The following LHPP variants were observed in gnomAD, a reference collection of about 807,000 sequenced individuals.
LHPP encodes the protein hLHPP.
A neutral mutation model predicts 30.3 loss-of-function variants in LHPP; 24 were observed. The ratio of observed to expected loss-of-function variants is 0.79; its 90% CI spans 0.57 to 1.11. The LOEUF (loss-of-function observed/expected upper bound fraction) is 1.11, where lower values mean the gene tolerates loss of function less well. LHPP is among the 50% of genes most tolerant of loss of function. The probability of loss-of-function intolerance (pLI) is 0.00; values close to 1 mark genes in which losing one functional copy is unlikely to be tolerated. For synonymous variants in LHPP, 150 were observed against 157.1 expected (o/e 0.95, Z 0.34); for missense variants, 356 against 367.2 (o/e 0.97, Z 0.25).
At chr10:124,486,754 C>A (rs1209050571) in intron 2 of LHPP, among the ~76,000 whole-genome samples, 1 of 152,210 alleles carries the variant, frequency 6.6e-6, no homozygotes, top group African/African-American at 2.4e-5. Context: ...ACAGCTGGGC[C>A]AGGGCCGCAG....
chr10:124,568,616 T>C (rs1948533184), intron 6 of LHPP, among the ~76,000 whole-genome samples: 2 of 152,230 alleles, frequency 1.3e-5, no homozygotes, highest in Admixed American at 6.5e-5. Flanking sequence ...CTTACCGTGC[T>C]GGACCATGGA....
intron 6 of LHPP, among the ~76,000 whole-genome samples, chr10:124,564,667 C>T (rs1262325831): frequency 6.6e-6 from 1 of 152,202 alleles, no homozygotes; most frequent in African/African-American, 2.4e-5. Context: ...CCTGGTTCCC[C>T]AGTGAGAGAC....
At chr10:124,550,493 G>GT in intron 6 of LHPP, among the ~76,000 whole-genome samples, 1 of 152,300 alleles carries the variant, frequency 6.6e-6, no homozygotes, top group East Asian at 1.9e-4. Context: ...TTCTGAAAAC[G>GT]TGTGGGTGGG....
intron 6 of LHPP, among the ~76,000 whole-genome samples, chr10:124,518,280 G>C (rs979180134): frequency 1.3e-5 from 2 of 152,218 alleles, no homozygotes; most frequent in African/African-American, 4.8e-5. Flanking sequence ...GTTGGGTTTT[G>C]TGGCTCCCCT....
intron 6 of LHPP, among the ~76,000 whole-genome samples, chr10:124,558,805 G>A (rs1317661075): frequency 1.3e-5 from 2 of 152,250 alleles, no homozygotes; most frequent in African/African-American, 4.8e-5. Context: ...AAAACTAGGA[G>A]CCATCCGAGC....
chr10:124,525,443 C>T (rs1400075965), intron 6 of LHPP, among the ~76,000 whole-genome samples: 1 of 152,236 alleles, frequency 6.6e-6, no homozygotes, highest in African/African-American at 2.4e-5. Flanking sequence ...CCTGTTGCTC[C>T]CCGCCCCGAC....
In LHPP at chr10:124,461,833, A is replaced by G; in HGVS notation, c.-30A>G. The G allele has an allele frequency of 1.6e-6, 2 of 1,228,514 alleles. No homozygotes were observed. Among genetic ancestry groups the G allele is most frequent in the Non-Finnish European group, 2.0e-6 (2 of 982,622 alleles). 76.1% of individuals were successfully genotyped at this position (1,228,514 alleles called of 1,614,324 possible). On this transcript the variant is annotated 5_prime_UTR_variant, in exon 1 of 7. Transcript: ENST00000368842. ...GGCGCCGGCGCCGGCGTCGGTTGGGACGCGGAGCTGAGGAGCAGGGCCGGG... is the reference window on the plus strand; with the variant it reads ...GGCGCCGGCGCCGGCGTCGGTTGGGGCGCGGAGCTGAGGAGCAGGGCCGGG...
chr10:124,578,882 C>T (rs1261676388), intron 6 of LHPP, among the ~76,000 whole-genome samples: 1 of 152,192 alleles, frequency 6.6e-6, no homozygotes, highest in Non-Finnish European at 1.5e-5. Context: ...TTAGCTTTGG[C>T]TCCACCCATC....
chr10:124,508,024 A>G (rs994886057), intron 5 of LHPP, among the ~76,000 whole-genome samples: 6 of 151,844 alleles, frequency 4.0e-5, no homozygotes, highest in Non-Finnish European at 7.4e-5. Context: ...AGGCCTGGCC[A>G]TATAAACTCA....
chr10:124,536,402 G>C (rs1292295900), intron 6 of LHPP, among the ~76,000 whole-genome samples: 4 of 152,226 alleles, frequency 2.6e-5, no homozygotes, highest in African/African-American at 9.6e-5. Context: ...CCTGCTCCGA[G>C]GCCACCCCAG....
At chr10:124,490,763 G>A (rs1679883829) in intron 3 of LHPP, among the ~76,000 whole-genome samples, 1 of 152,218 alleles carries the variant, frequency 6.6e-6, no homozygotes, top group Non-Finnish European at 1.5e-5. Context: ...GGTTCTTGAG[G>A]CATGTTGCCA....
rs180923136 is a variant in LHPP, at chr10:124,486,022, C to A, written c.313+1696C>A. Among the ~76,000 whole-genome samples the A allele has an allele frequency of 1.3e-3, 191 of 152,038 alleles. 1 individual carries two copies. Among genetic ancestry groups the A allele is most frequent in the African/African-American group, 4.5e-3 (186 of 41,512 alleles). The stretch of plus-strand genomic sequence containing the variant: ...CCATGTTATTATTTAGATGCATTTC[C>A]GAGTAAAATGCAGACACGGGTATAC... On this transcript the variant is annotated intron_variant, in intron 2 of 6. Transcript: ENST00000368842.
chr10:124,557,530 C>T (rs946166573), intron 6 of LHPP, among the ~76,000 whole-genome samples: 7 of 152,230 alleles, frequency 4.6e-5, no homozygotes, highest in African/African-American at 1.7e-4. Flanking sequence ...CCCAAATCCC[C>T]ATATCCTCAG....
Position 124,532,551 on chromosome 10 carries a change from T to G in LHPP, c.716+15280T>G, listed in dbSNP as rs1368723130. Among the ~76,000 whole-genome samples the G allele has an allele frequency of 2.0e-5, 3 of 152,226 alleles. No individual in the cohort carries two copies. In the East Asian group the frequency reaches 5.8e-4, roughly 29 times the overall value. On this transcript the variant is annotated intron_variant, in intron 6 of 6. Transcript: ENST00000368842. ...GCCTGGCTTCCTCATTCTCTCTCCA[T>G]CTGCTTATCGCTCTATCCCATGTAG...
chr10:124,563,195 A>G (rs1265565354), intron 6 of LHPP, among the ~76,000 whole-genome samples: 2 of 152,198 alleles, frequency 1.3e-5, no homozygotes, highest in Non-Finnish European at 2.9e-5. Flanking sequence ...AGTTTTATTG[A>G]TAATAGCCCC....
At chr10:124,599,563 C>T (rs577783287) in intron 6 of LHPP, among the ~76,000 whole-genome samples, 7 of 152,384 alleles carry the variant, frequency 4.6e-5, no homozygotes, top group African/African-American at 1.7e-4. Flanking sequence ...CCAGCCCTCC[C>T]CGCTCCCCTC....
At position 124,613,204 on chromosome 10, in the gene LHPP, G is replaced by C. The variant is rs563896590; in HGVS notation, c.717-60G>C. 7.2e-6 allele frequency: 9 copies of C among 1,242,042 alleles called. No homozygotes were observed. In the African/African-American group the frequency reaches 7.4e-5, roughly 10 times the overall value. The allele number at this position is 1,242,042 out of a possible 1,614,324, so 76.9% of individuals were successfully genotyped here. A position where few individuals can be genotyped will look rare whatever the true frequency, so the allele number is the denominator to read the frequency against. ...GCCCATGTTAGATGCTGGGAGGGTG[G>C]GTGTGGCTGCAGAGGGGTCAGCGTG... On this transcript the variant is annotated intron_variant, in intron 6 of 6. Coordinates refer to ENST00000368842, the MANE Select transcript of LHPP (RefSeq NM_022126.4).
At chr10:124,600,473 C>T (rs1420696814) in intron 6 of LHPP, among the ~76,000 whole-genome samples, 4 of 152,232 alleles carry the variant, frequency 2.6e-5, no homozygotes, top group Non-Finnish European at 4.4e-5. Context: ...AGCATGCCCA[C>T]ACCTCTCAGT....
At chr10:124,546,969 A>G (rs6597841) in intron 6 of LHPP, among the ~76,000 whole-genome samples, 1 of 151,888 alleles carries the variant, frequency 6.6e-6, no homozygotes, top group African/African-American at 2.4e-5. Context: ...CCCGCTCTTA[A>G]CCCGCCTCCC....
Sources: gnomAD v4.1 joint callset for allele counts (sites outside exome capture counted in the v4.1 genomes callset) on GRCh38, gnomAD v4.1.1 for gene constraint, MANE v1.5 for transcripts, NCBI Gene and HGNC (gene_info 2026-07-23, HGNC 2026-07-21) for gene names.